The following PYGO1 variants were observed in gnomAD, a reference collection of about 807,000 sequenced individuals.
PYGO1 encodes the protein pygopus family PHD finger 1.
PYGO1 carries 6 observed loss-of-function variants against 29.5 expected under a neutral mutation model. That is an observed-to-expected ratio of 0.20 (90% CI 0.11 to 0.40). The LOEUF is 0.40. Ranked by LOEUF, PYGO1 falls within the 10% of genes least tolerant of loss-of-function variation. The pLI, the probability that PYGO1 is intolerant of heterozygous loss-of-function variation, is 1.00. For synonymous variants in PYGO1, 186 were observed against 180.5 expected, an observed-to-expected ratio of 1.03 and a Z score of -0.24; for missense variants, 515 against 514.9, an observed-to-expected ratio of 1.00 and a Z score of 0.00.
At chr15:55,553,665 C>T (rs563075045) in intron 1 of PYGO1, among the ~76,000 whole-genome samples, 1 of 152,286 alleles carries the variant, frequency 6.6e-6, no homozygotes, top group Admixed American at 6.5e-5. Flanking sequence ...CCCACCTCAG[C>T]CTCCCAAAGT....
chr15:55,565,773 T>G (rs570828607), intron 1 of PYGO1, among the ~76,000 whole-genome samples: 1 of 152,256 alleles, frequency 6.6e-6, no homozygotes, highest in South Asian at 2.1e-4. Context: ...TTTCCATGTA[T>G]GTCCTTTGCC....
chr15:55,583,133 T>C (rs1396584554), intron 1 of PYGO1, among the ~76,000 whole-genome samples: 9 of 152,236 alleles, frequency 5.9e-5, no homozygotes, highest in Non-Finnish European at 1.2e-4. Flanking sequence ...TCCATGTGTA[T>C]ACCTGATGCT....
At chr15:55,549,472 T>C (rs577862837) in intron 1 of PYGO1, among the ~76,000 whole-genome samples, 31 of 152,118 alleles carry the variant, frequency 2.0e-4, no homozygotes, top group Non-Finnish European at 3.8e-4. Flanking sequence ...AATAGCTGAG[T>C]AGTATTCTAC....
intron 1 of PYGO1, among the ~76,000 whole-genome samples, chr15:55,575,306 G>T (rs2058996782): frequency 6.6e-6 from 1 of 152,058 alleles, no homozygotes; most frequent in South Asian, 2.1e-4. Context: ...TCCCCCTCAG[G>T]TAATACAGAT....
At chr15:55,574,450 TTGTG>T (rs2058992953) in intron 1 of PYGO1, among the ~76,000 whole-genome samples, 1 of 152,204 alleles carries the variant, frequency 6.6e-6, no homozygotes, top group Admixed American at 6.5e-5. Flanking sequence ...TGTAATAGAT[TTGTG>T]TAAGTTTTAC....
chr15:55,562,992 G>T (rs554426385), intron 1 of PYGO1, among the ~76,000 whole-genome samples: 1 of 152,002 alleles, frequency 6.6e-6, no homozygotes, highest in Admixed American at 6.6e-5. Flanking sequence ...GGGGCCTGTC[G>T]GGGGGAGCGG....
chr15:55,553,266 C>A (rs1403531673), intron 1 of PYGO1, among the ~76,000 whole-genome samples: 1 of 152,148 alleles, frequency 6.6e-6, no homozygotes, highest in African/African-American at 2.4e-5. Flanking sequence ...GGGAAAGGGG[C>A]AGCTGCTGTC....
chr15:55,549,156 T>C (rs1327431241), intron 1 of PYGO1, among the ~76,000 whole-genome samples, 161 bp from the exon 2 acceptor site: 1 of 152,150 alleles, frequency 6.6e-6, no homozygotes, highest in Non-Finnish European at 1.5e-5. Flanking sequence ...GTCTTTCCCA[T>C]AGTTTGAGCC....
At chr15:55,587,786 C>T in intron 1 of PYGO1, 49 bp downstream of exon 1, 3 of 1,462,020 alleles carry the variant, frequency 2.1e-6, no homozygotes, top group South Asian at 1.3e-5. Context: ...CGGGGCCCCG[C>T]GCACCTCACT....
Position 55,566,732 on chromosome 15 carries a change from C to G in PYGO1, c.50-17737G>C, listed in dbSNP as rs183359364. ...TTTTCTCCACAGGCCTTATCAACAC[C>G]TGGTTTTGATGGTTTTGAGACAAGG... On this transcript the variant is annotated intron_variant, in intron 1 of 2. Coordinates refer to ENST00000563719, the MANE Select transcript of PYGO1 (RefSeq NM_001367806.1). Among the ~76,000 whole-genome samples the G allele has an allele frequency of 2.1e-3, 322 of 152,182 alleles. 1 individual carries two copies. Among genetic ancestry groups the G allele is most frequent in the African/African-American group, 7.6e-3 (314 of 41,484 alleles).
At chr15:55,574,559 T>TA (rs2058993364) in intron 1 of PYGO1, among the ~76,000 whole-genome samples, 1 of 152,348 alleles carries the variant, frequency 6.6e-6, no homozygotes, top group African/African-American at 2.4e-5. Context: ...TTCTAGGCTA[T>TA]AGGGTTCATC....
upstream of PYGO1, chr15:55,588,911 G>T: frequency 6.6e-7 from 1 of 1,509,412 alleles, no homozygotes; most frequent in Non-Finnish European, 9.2e-7. Flanking sequence ...ACACCTGTCT[G>T]TAGAATGCCT....
intron 1 of PYGO1, among the ~76,000 whole-genome samples, chr15:55,562,974 C>T (rs2058939728): frequency 6.6e-6 from 1 of 151,970 alleles, no homozygotes; most frequent in East Asian, 1.9e-4. Flanking sequence ...CGGGGAACAA[C>T]ACACACTGGG....
rs1322435533 is a variant in PYGO1 at position 55,543,911 on chromosome 15, T to A, written c.*2112A>T. On this transcript the variant is annotated 3_prime_UTR_variant, in exon 3 of 3. Coordinates refer to ENST00000563719, the MANE Select transcript of PYGO1 (RefSeq NM_001367806.1). The stretch of plus-strand genomic sequence containing the variant: ...GTCCTTAAACATTTAGAGAAATATG[T>A]ATAATAAAAAATCCAAGTAAAATGA... 6.6e-6 allele frequency: 1 copy of A among 152,144 alleles called. No homozygotes were observed. Among genetic ancestry groups the A allele is most frequent in the African/African-American group, 2.4e-5 (1 of 41,434 alleles). The allele number at this position is 152,144 out of a possible 1,614,324, so 9.4% of individuals were successfully genotyped here.
intron 1 of PYGO1, among the ~76,000 whole-genome samples, chr15:55,577,824 G>A (rs887352953): frequency 1.4e-5 from 2 of 144,138 alleles, no homozygotes; most frequent in African/African-American, 5.2e-5. Context: ...GGAGTGCAGT[G>A]GCACAATCTT....
At chr15:55,587,383 C>T (rs1356897416) in intron 1 of PYGO1, among the ~76,000 whole-genome samples, 2 of 146,228 alleles carry the variant, frequency 1.4e-5, no homozygotes, top group Middle Eastern at 3.5e-3. Flanking sequence ...GGTGGGGGGG[C>T]GAGAAGGGGG....
At chr15:55,583,113 A>G (rs2059031973) in intron 1 of PYGO1, among the ~76,000 whole-genome samples, 1 of 152,116 alleles carries the variant, frequency 6.6e-6, no homozygotes, top group African/African-American at 2.4e-5. Context: ...TTTTTCTCCA[A>G]GACTAAACTT....
intron 1 of PYGO1, among the ~76,000 whole-genome samples, chr15:55,579,565 G>T (rs1204750229): frequency 2.6e-5 from 4 of 151,754 alleles, no homozygotes; most frequent in African/African-American, 9.7e-5. Flanking sequence ...ACCCAGGCTG[G>T]AGTGCAGTGG....
In PYGO1 at chr15:55,542,190, C is replaced by A. The variant is rs1006911325; in HGVS notation, c.*3833G>T. Reference sequence around the variant, plus strand: ...ATAAGTGCTAAAACTCTAATTTGTTCGAGACAAACAAGTTTGAAAGAATAT... The same window carrying A: ...ATAAGTGCTAAAACTCTAATTTGTTAGAGACAAACAAGTTTGAAAGAATAT... On this transcript the variant is annotated 3_prime_UTR_variant, in exon 3 of 3. Transcript: ENST00000563719. 1 of 152,004 alleles carries A rather than the reference C, an allele frequency of 6.6e-6. No homozygotes were observed. The allele number at this position is 152,004 out of a possible 1,614,324, so 9.4% of individuals were successfully genotyped here. A position where few individuals can be genotyped will look rare whatever the true frequency, so the allele number is the denominator to read the frequency against.
Sources: gnomAD v4.1 joint callset for allele counts (sites outside exome capture counted in the v4.1 genomes callset) on GRCh38, gnomAD v4.1.1 for gene constraint, MANE v1.5 for transcripts, NCBI Gene and HGNC (gene_info 2026-07-23, HGNC 2026-07-21) for gene names.